The following PLXNA1 variants were observed in gnomAD, a reference collection of about 807,000 sequenced individuals.
PLXNA1 encodes the protein plexin A1.
A neutral mutation model predicts 191.7 loss-of-function variants in PLXNA1; 77 were observed. That is an observed-to-expected ratio of 0.40 (90% CI 0.33 to 0.49). PLXNA1 has a LOEUF of 0.49. PLXNA1 is among the 20% of genes least tolerant of loss of function. The pLI is 0.63. For missense variants in PLXNA1, 2,110 were observed against 2,660.2 expected, an observed-to-expected ratio of 0.79 and a Z score of 4.55; for synonymous variants, 1,137 against 1,156.4, an observed-to-expected ratio of 0.98 and a Z score of 0.34.
At chr3:127,022,933 G>A in intron 23 of PLXNA1, 115 bp downstream of exon 23, 1 of 968,118 alleles carries the variant, frequency 1.0e-6, no homozygotes, top group Non-Finnish European at 1.6e-6. Context: ...GTGGGGTCTT[G>A]GTCGAGTTCT....
At chr3:127,006,886 TC>T (rs1167207566) in intron 8 of PLXNA1, among the ~76,000 whole-genome samples, 3 of 152,192 alleles carry the variant, frequency 2.0e-5, no homozygotes, top group Non-Finnish European at 2.9e-5. Flanking sequence ...GAGCCCTCAC[TC>T]CTTCCCTGAA....
At chr3:127,017,690 G>A (rs1288802001) in intron 18 of PLXNA1, 26 bp downstream of exon 18, 2 of 1,613,058 alleles carry the variant, frequency 1.2e-6, no homozygotes, top group East Asian at 4.5e-5. Flanking sequence ...CCGTAGGCTG[G>A]GCCAAGCCAG....
In PLXNA1 at chr3:127,036,705, G is replaced by T. The variant is rs932925663; in HGVS notation, c.*2688G>T. ...GTTGGAGGCCGTTCTGTGCCCAGCA[G>T]CGGTGAGCGGCTCCCATGGGCCCTG... is the stretch of plus-strand genomic sequence containing the variant. On this transcript the variant is annotated 3_prime_UTR_variant, in exon 32 of 32. Coordinates refer to ENST00000393409, the MANE Select transcript of PLXNA1 (RefSeq NM_032242.4). The T allele has an allele frequency of 2.0e-5, 3 of 152,294 alleles. No homozygotes were observed. The highest frequency in any genetic ancestry group is 4.4e-5 in the Non-Finnish European group (3 of 68,102). 9.4% of individuals were successfully genotyped at this position (152,294 alleles called of 1,614,324 possible).
intron 2 of PLXNA1, among the ~76,000 whole-genome samples, chr3:126,991,142 A>G (rs1401888917): frequency 6.6e-6 from 1 of 152,126 alleles, no homozygotes; most frequent in Non-Finnish European, 1.5e-5. Context: ...ACTGGCCCCC[A>G]GCTGCTCCGG....
At position 127,007,476 on chromosome 3, in the gene PLXNA1, C is replaced by T. The variant is rs140523994; in HGVS notation, c.1998-323C>T. Among the ~76,000 whole-genome samples the T allele has an allele frequency of 4.1e-4, 63 of 152,310 alleles. 3 individuals carry two copies. The East Asian group carries it at 0.012, about 29-fold the overall frequency. On this transcript the variant is annotated intron_variant, in intron 8 of 31. Transcript: ENST00000393409. Reference sequence around the variant, plus strand: ...CACTAACACATTTCTGATGCGAGTACCCATGCCTGGCTGGCAGTCAGGTGG... The same window carrying T: ...CACTAACACATTTCTGATGCGAGTATCCATGCCTGGCTGGCAGTCAGGTGG...
At chr3:127,007,169 C>T (rs774123834) in intron 8 of PLXNA1, among the ~76,000 whole-genome samples, 43 of 152,090 alleles carry the variant, frequency 2.8e-4, no homozygotes, top group Non-Finnish European at 4.6e-4. Context: ...GTCAGGAGAT[C>T]CTGGAGAGGA....
In PLXNA1 at chr3:127,022,087, G is replaced by T; in HGVS notation, c.4041G>T (p.Val1347=). 1 of 1,611,776 alleles carries T rather than the reference G, an allele frequency of 6.2e-7. No individual in the cohort carries two copies. The highest frequency in any genetic ancestry group is 1.7e-4 in the Middle Eastern group (1 of 6,000). The change falls in exon 22 of 32, where the codon GTG becomes GTT. Residue 1347 remains valine, a splice_region_variant and synonymous_variant. Coordinates refer to ENST00000393409, the MANE Select transcript of PLXNA1 (RefSeq NM_032242.4). ...EDHPVLKEME[V]QANVEKSLTL... is the part of the protein sequence containing the mutation. ...CTGAGCTCTGTGTGCTCCCTCAGGTGCAGGCCAATGTGGAGAAGTCGCTGA... is the reference window on the plus strand; with the variant it reads ...CTGAGCTCTGTGTGCTCCCTCAGGTTCAGGCCAATGTGGAGAAGTCGCTGA...
chr3:127,019,765 C>T (rs1318943281), intron 20 of PLXNA1, among the ~76,000 whole-genome samples: 2 of 152,158 alleles, frequency 1.3e-5, no homozygotes, highest in African/African-American at 4.8e-5. Context: ...GCAGGGTGGG[C>T]CATGTTGAGG....
chr3:127,015,088 A>G, intron 14 of PLXNA1, 96 bp from the exon 15 acceptor site: 2 of 1,498,792 alleles, frequency 1.3e-6, no homozygotes, highest in East Asian at 2.3e-5. Flanking sequence ...AGTCTGGGGA[A>G]CTGTCTGTGG....
At position 127,016,589 on chromosome 3, in the gene PLXNA1, C is replaced by T. The variant is rs1182302858; in HGVS notation, c.3087C>T (p.Asn1029=). The change falls in exon 16 of 32, where the codon AAC becomes AAT. Residue 1029 remains asparagine (N), a synonymous_variant. Transcript: ENST00000393409. The stretch of plus-strand genomic sequence containing the variant: ...CTGGCAGCGCTCCCATCATCATCAA[C>T]ATCAACCGCGCCCAGCTCACCAACC... ...QSPGSAPIII[N]INRAQLTNPE... is the part of the protein sequence containing the mutation. The T allele has an allele frequency of 6.2e-7, 1 of 1,613,906 alleles. No homozygotes were observed. Among genetic ancestry groups the T allele is most frequent in the East Asian group, 2.2e-5 (1 of 44,886 alleles).
rs147972513 is a variant in PLXNA1 at position 127,024,290 on chromosome 3, C to T, written c.4362+1472C>T. The stretch of plus-strand genomic sequence containing the variant: ...TCTTTCATGCCAGGATATAGGGGGC[C>T]AGCTTCAGCCAGCGCAGAGTGTGGC... On this transcript the variant is annotated intron_variant, in intron 23 of 31. Transcript: ENST00000393409. Among the ~76,000 whole-genome samples, 39 of 152,300 alleles carry T rather than the reference C, an allele frequency of 2.6e-4. No homozygotes were observed. The East Asian group carries it at 7.5e-3, about 29-fold the overall frequency.
At chr3:126,993,527 C>T (rs1437331346) in intron 3 of PLXNA1, among the ~76,000 whole-genome samples, 2 of 152,140 alleles carry the variant, frequency 1.3e-5, no homozygotes, top group African/African-American at 4.8e-5. Flanking sequence ...CCTGGCCGGG[C>T]CCCCACCCCT....
intron 15 of PLXNA1, 85 bp downstream of exon 15, chr3:127,015,405 A>G (rs1266304165): frequency 6.6e-7 from 1 of 1,512,240 alleles, no homozygotes; most frequent in Non-Finnish European, 8.9e-7. Context: ...TGCCTGGGCA[A>G]CGGGGCTATG....
chr3:127,024,377 G>A (rs750671098), intron 23 of PLXNA1, among the ~76,000 whole-genome samples: 7 of 152,198 alleles, frequency 4.6e-5, no homozygotes, highest in Non-Finnish European at 8.8e-5. Context: ...TTGTCTTTAG[G>A]CCGGATCAGA....
chr3:127,028,033 T>C lies in PLXNA1; in HGVS notation c.4456T>C (p.Tyr1486His). The C allele has an allele frequency of 1.9e-6, 3 of 1,614,068 alleles. No homozygotes were observed. Among genetic ancestry groups the C allele is most frequent in the Non-Finnish European group, 2.5e-6 (3 of 1,180,002 alleles). The part of the protein sequence containing the change: ...PIDAITGEAR[Y>H]SLSEDKLIRQ... Reference sequence around the variant, plus strand: ...TGACGCCATCACGGGTGAGGCACGCTACTCCCTGAGTGAGGACAAGCTCAT... The same window carrying C: ...TGACGCCATCACGGGTGAGGCACGCCACTCCCTGAGTGAGGACAAGCTCAT... The change falls in exon 24 of 32, where the codon TAC becomes CAC. Residue 1486 changes from tyrosine to histidine, a missense_variant. Tyr to His is a moderately conservative substitution (Grantham distance 83, BLOSUM62 2). Coordinates refer to ENST00000393409, the MANE Select transcript of PLXNA1 (RefSeq NM_032242.4).
Position 127,017,625 on chromosome 3 carries a change from C to A in PLXNA1, c.3477C>A (p.Gly1159=), listed in dbSNP as rs777354938. 20 of 1,613,534 alleles carry A rather than the reference C, an allele frequency of 1.2e-5. No individual in the cohort carries two copies. The highest frequency in any genetic ancestry group is 4.0e-5 in the African/African-American group (3 of 74,928). Reference sequence around the variant, plus strand: ...TACTGGAGCCACTCAGCCCCACTGGCCTGCTGGAGCTGAAGCCCAGCTCCC... The same window carrying A: ...TACTGGAGCCACTCAGCCCCACTGGACTGCTGGAGCTGAAGCCCAGCTCCC... The part of the protein sequence containing the change: ...DPVLEPLSPT[G]LLELKPSSPL... Residue 1159 remains glycine, a synonymous_variant, in exon 18 of 32, where the codon GGC becomes GGA. Transcript: ENST00000393409.
intron 29 of PLXNA1, chr3:127,032,044 G>C: frequency 3.3e-6 from 1 of 306,232 alleles, no homozygotes; most frequent in East Asian, 8.1e-5. Flanking sequence ...CAGTGCAGGA[G>C]CCATGAGTGC....
At position 127,014,190 on chromosome 3, in the gene PLXNA1, T is replaced by C; in HGVS notation, c.2419T>C (p.Tyr807His). ...DNPQNIQAHLYKCPALRESCG... is the reference protein window; with the variant it reads ...DNPQNIQAHLHKCPALRESCG... ...CGCACCCCTCCCCACAGCGCACCTCTACAAGTGCCCGGCCCTGCGCGAGAG... is the reference window on the plus strand; with the variant it reads ...CGCACCCCTCCCCACAGCGCACCTCCACAAGTGCCCGGCCCTGCGCGAGAG... Residue 807 changes from tyrosine to histidine, a missense_variant, in exon 12 of 32, where the codon TAC becomes CAC. Tyr to His is a moderately conservative substitution (Grantham distance 83, BLOSUM62 2). Transcript: ENST00000393409. 1 of 1,610,238 alleles carries C rather than the reference T, an allele frequency of 6.2e-7. No homozygotes were observed. Among genetic ancestry groups the C allele is most frequent in the Non-Finnish European group, 8.5e-7 (1 of 1,178,060 alleles).
At chr3:127,021,961 C>T in intron 21 of PLXNA1, 124 bp from the exon 22 acceptor site, 6 of 1,411,768 alleles carry the variant, frequency 4.2e-6, no homozygotes, top group South Asian at 1.4e-5. Flanking sequence ...TGTCACTTGC[C>T]TTCCAGGCCT....
Sources: gnomAD v4.1 joint callset for allele counts (sites outside exome capture counted in the v4.1 genomes callset) on GRCh38, gnomAD v4.1.1 for gene constraint, MANE v1.5 for transcripts, NCBI Gene and HGNC (gene_info 2026-07-23, HGNC 2026-07-21) for gene names.